Variants in GYPC observed in about 807,000 individuals in gnomAD.
GYPC encodes glycophorin-C.
GYPC carries 14 observed loss-of-function variants against 12.6 expected under a neutral mutation model. The ratio of observed to expected loss-of-function variants is 1.11; its 90% CI spans 0.74 to 1.74. The LOEUF (loss-of-function observed/expected upper bound fraction) is 1.74, where lower values mean the gene tolerates loss of function less well. GYPC is among the 40% of genes most tolerant of loss of function. The pLI is 0.00. For synonymous variants in GYPC, 78 were observed against 62.1 expected, an observed-to-expected ratio of 1.26 and a Z score of -1.20; for missense variants, 225 against 172.1, an observed-to-expected ratio of 1.31 and a Z score of -1.72.
intron 1 of GYPC, among the ~76,000 whole-genome samples, chr2:126,681,900 C>T (rs28387177): frequency 0.23 from 34,533 of 152,208 alleles, 4,773 homozygotes; most frequent in Non-Finnish European, 0.32. Context: ...CTGTCTGCGC[C>T]ATGCCTGGCA....
chr2:126,688,768 G>A (rs902470088), intron 1 of GYPC, among the ~76,000 whole-genome samples: 4 of 152,208 alleles, frequency 2.6e-5, no homozygotes, highest in African/African-American at 9.6e-5. Flanking sequence ...CACCCACTAT[G>A]ACTCCTGACT....
At chr2:126,662,183 G>C (rs909937956) in intron 1 of GYPC, among the ~76,000 whole-genome samples, 1 of 152,146 alleles carries the variant, frequency 6.6e-6, no homozygotes, top group African/African-American at 2.4e-5. Context: ...AGTCTTAAAA[G>C]GGGGGAAATT....
chr2:126,679,236 G>T (rs1479683143), intron 1 of GYPC, among the ~76,000 whole-genome samples: 2 of 152,180 alleles, frequency 1.3e-5, no homozygotes, highest in African/African-American at 4.8e-5. Context: ...CAGATCACAT[G>T]TGTGAGCACA....
chr2:126,665,171 A>G (rs557548348), intron 1 of GYPC, among the ~76,000 whole-genome samples: 3 of 152,270 alleles, frequency 2.0e-5, no homozygotes, highest in Admixed American at 6.5e-5. Flanking sequence ...AAGAATCTCT[A>G]TGGGGAAGAG....
At chr2:126,663,250 A>C (rs1008112840) in intron 1 of GYPC, among the ~76,000 whole-genome samples, 8 of 152,040 alleles carry the variant, frequency 5.3e-5, no homozygotes, top group Admixed American at 6.5e-5. Flanking sequence ...GTTGGCCAGG[A>C]TTGTCTCAAT....
At chr2:126,663,589 C>T (rs73954204) in intron 1 of GYPC, among the ~76,000 whole-genome samples, 111 of 152,316 alleles carry the variant, frequency 7.3e-4, no homozygotes, top group African/African-American at 2.6e-3. Flanking sequence ...TTGAAAGCAC[C>T]GTATGAGTGA....
chr2:126,685,335 T>C (rs4663040), intron 1 of GYPC, among the ~76,000 whole-genome samples: 114,885 of 151,910 alleles, frequency 0.76, 43,584 homozygotes, highest in Admixed American at 0.77. Flanking sequence ...CCAAATCAGA[T>C]TTGCACAAAG....
chr2:126,656,356 G>A (rs765327076), intron 1 of GYPC, 44 bp downstream of exon 1: 3 of 1,514,050 alleles, frequency 2.0e-6, no homozygotes, highest in Non-Finnish European at 2.7e-6. Flanking sequence ...CCCACTGGAG[G>A]CCGCGGCCCG....
intron 1 of GYPC, among the ~76,000 whole-genome samples, chr2:126,677,329 T>G (rs1683021030): frequency 7.1e-6 from 1 of 140,116 alleles, no homozygotes; most frequent in African/African-American, 2.6e-5. Context: ...ATGTGTGTGA[T>G]AGTGTGTAAG....
intron 1 of GYPC, among the ~76,000 whole-genome samples, chr2:126,676,895 T>TTCC (rs1437446072): frequency 2.0e-5 from 3 of 152,188 alleles, no homozygotes; most frequent in African/African-American, 7.2e-5. Context: ...AATTGGTAAC[T>TTCC]TCCTGAAGCT....
chr2:126,659,780 CT>C (rs1203132482), intron 1 of GYPC, among the ~76,000 whole-genome samples: 2,796 of 137,810 alleles, frequency 0.02, 27 homozygotes, highest in African/African-American at 0.056. Flanking sequence ...TCTTTCTTTT[CT>C]TTTTTTTTTT....
intron 1 of GYPC, among the ~76,000 whole-genome samples, chr2:126,676,250 C>G (rs1051983175): frequency 6.6e-6 from 1 of 152,180 alleles, no homozygotes; most frequent in African/African-American, 2.4e-5. Flanking sequence ...TTGTGCTTAC[C>G]CTTCTTCTCC....
At chr2:126,660,691 C>T (rs1682510556) in intron 1 of GYPC, among the ~76,000 whole-genome samples, 1 of 152,124 alleles carries the variant, frequency 6.6e-6, no homozygotes, top group African/African-American at 2.4e-5. Flanking sequence ...GGCCCACGCT[C>T]CCAGGACTGC....
At chr2:126,657,321 G>A (rs1431113194) in intron 1 of GYPC, among the ~76,000 whole-genome samples, 3 of 152,230 alleles carry the variant, frequency 2.0e-5, no homozygotes, top group East Asian at 3.9e-4. Context: ...GGCATCAGTG[G>A]TGCTTGGGAG....
At chr2:126,685,915 G>A in intron 1 of GYPC, 1 of 985,292 alleles carries the variant, frequency 1.0e-6, no homozygotes, top group Non-Finnish European at 1.2e-6. Context: ...GAACACCTAG[G>A]TGTTCTAGTC....
chr2:126,671,040 C>T (rs1489530895), intron 1 of GYPC, among the ~76,000 whole-genome samples: 3 of 152,162 alleles, frequency 2.0e-5, no homozygotes, highest in African/African-American at 4.8e-5. Context: ...CCCCATTGCA[C>T]CTCAACCCCG....
chr2:126,688,718 T>G (rs28387198), intron 1 of GYPC, among the ~76,000 whole-genome samples: 2,032 of 151,788 alleles, frequency 0.013, 49 homozygotes, highest in African/African-American at 0.047. Context: ...GCCCACCTGC[T>G]TCCTGCTGTG....
In GYPC at chr2:126,694,088, G is replaced by T. The variant is rs372362144; in HGVS notation, c.190+141G>T. ...TCCCTCAGAGGTGGTTTTGAATGTG[G>T]AATGGAGGAGTCTAGCCCTGGGTAA... On this transcript the variant is annotated intron_variant, in intron 3 of 3. Coordinates refer to ENST00000259254, the MANE Select transcript of GYPC (RefSeq NM_002101.5). 20 of 704,716 alleles carry T rather than the reference G, an allele frequency of 2.8e-5. 1 individual carries two copies. The highest frequency in any genetic ancestry group is 4.1e-5 in the Admixed American group (2 of 49,356). The allele number at this position is 704,716 out of a possible 1,614,324, so 43.7% of individuals were successfully genotyped here. A position where few individuals can be genotyped will look rare whatever the true frequency, so the allele number is the denominator to read the frequency against.
chr2:126,691,397 G>A (rs1030498828), intron 2 of GYPC, among the ~76,000 whole-genome samples: 1 of 151,936 alleles, frequency 6.6e-6, no homozygotes, highest in African/African-American at 2.4e-5. Flanking sequence ...ACTGCCCCTC[G>A]CACAGCCAAC....
Sources: allele counts gnomAD v4.1 joint callset (sites outside exome capture counted in the v4.1 genomes callset), GRCh38; gene constraint gnomAD v4.1.1; transcripts MANE v1.5; gene names NCBI Gene and HGNC (gene_info 2026-07-23, HGNC 2026-07-21).